ZKSCAN7: variants seen among roughly 807,000 people sequenced by gnomAD.
ZKSCAN7 encodes zinc finger with KRAB and SCAN domains 7, also known as zinc finger protein with KRAB and SCAN domains 7.
A neutral mutation model predicts 65.3 loss-of-function variants in ZKSCAN7; 38 were observed. That is an observed-to-expected ratio of 0.58 (90% CI 0.45 to 0.76). The LOEUF is 0.76. Among genes scored for constraint, ZKSCAN7 ranks in the 30% least tolerant of loss-of-function variants. The pLI is 0.00. For synonymous variants in ZKSCAN7, 321 were observed against 321.0 expected (o/e 1.00, Z 0.00); for missense variants, 815 against 913.3 (o/e 0.89, Z 1.39).
At chr3:44,575,837 C>T (rs1373522747), downstream of ZKSCAN7, among the ~76,000 whole-genome samples, 1 of 152,170 alleles carries the variant, frequency 6.6e-6, no homozygotes, top group African/African-American at 2.4e-5. Context: ...CTCGGCCTCC[C>T]AAAGTGCTGG....
At chr3:44,583,081 C>T in exon 6 of ZKSCAN7, 1 of 355,834 alleles carries the variant, frequency 2.8e-6, no homozygotes, top group Non-Finnish European at 5.6e-6. Flanking sequence ...CGCCTGCCAC[C>T]ATGCCCAGCT....
At chr3:44,566,008 C>A (rs957005067) in intron 3 of ZKSCAN7, among the ~76,000 whole-genome samples, 1 of 152,146 alleles carries the variant, frequency 6.6e-6, no homozygotes, top group African/African-American at 2.4e-5. Context: ...TATCCTCAAG[C>A]ATTTGATCCT....
chr3:44,565,592 C>G lies in ZKSCAN7; in HGVS notation c.529C>G (p.Pro177Ala). 1 of 1,612,670 alleles carries G rather than the reference C, an allele frequency of 6.2e-7. No homozygotes were observed. The highest frequency in any genetic ancestry group is 2.2e-5 in the East Asian group (1 of 44,824). The change falls in exon 3 of 6, where the codon CCT becomes GCT. Residue 177 changes from proline to alanine, a missense_variant. This residue lies in a region of ZKSCAN7 where 227 missense variants were observed against 253.3 expected (regional missense o/e 0.90). Coordinates refer to ENST00000426540, the MANE Select transcript of ZKSCAN7 (RefSeq NM_001288590.2). Reference protein sequence around the residue: ...PTSPLSGGSAPGAHLEPPYDP... With the variant: ...PTSPLSGGSAAGAHLEPPYDP... ...CTCACCCCTCAGTGGGGGCTCAGCC[C>G]CTGGAGCCCACCTGGAGCCTCCTTA...
At chr3:44,564,740 T>C (rs896105163) in intron 2 of ZKSCAN7, among the ~76,000 whole-genome samples, 5 of 152,200 alleles carry the variant, frequency 3.3e-5, no homozygotes, top group African/African-American at 1.2e-4. Context: ...ACAAATCTTA[T>C]CTTTTTTTAC....
chr3:44,573,016 T>G (rs1699852040), downstream of ZKSCAN7, among the ~76,000 whole-genome samples: 1 of 152,144 alleles, frequency 6.6e-6, no homozygotes, highest in South Asian at 2.1e-4. Flanking sequence ...CAGGAATCTG[T>G]TTTCCTTATC....
At chr3:44,572,928 T>C (rs1458382381), downstream of ZKSCAN7, among the ~76,000 whole-genome samples, 4 of 151,802 alleles carry the variant, frequency 2.6e-5, no homozygotes, top group Admixed American at 2.6e-4. Flanking sequence ...TGGTACAGAT[T>C]ATTGAAAATC....
intron 5 of ZKSCAN7, 92 bp downstream of exon 5, chr3:44,568,525 A>T: frequency 6.5e-7 from 1 of 1,527,180 alleles, no homozygotes; most frequent in Non-Finnish European, 8.8e-7. Flanking sequence ...TACCATGAAA[A>T]TTTCCAAACA....
intron 5 of ZKSCAN7, among the ~76,000 whole-genome samples, chr3:44,578,998 G>C (rs190295018): frequency 1.3e-5 from 2 of 152,330 alleles, no homozygotes; most frequent in African/African-American, 4.8e-5. Context: ...GCTCCTTCTT[G>C]AGCAGAGAGG....
In ZKSCAN7 at chr3:44,569,929, G is replaced by C. The variant is rs377653201; in HGVS notation, c.819G>C (p.Glu273Asp). The change falls in exon 6 of 6, where the codon GAG becomes GAC. Residue 273 changes from glutamate to aspartate, a missense_variant. Glu to Asp is a conservative substitution (Grantham distance 45). Transcript: ENST00000426540. ...NHHSMASLAG[E>D]NMMKGSELTP... ...TCTTCTTTCTTTGGGCAGCAGGTGAGAACATGATGAAGGGTTCAGAGTTGA... is the reference window on the plus strand; with the variant it reads ...TCTTCTTTCTTTGGGCAGCAGGTGACAACATGATGAAGGGTTCAGAGTTGA... 23 of 1,529,610 alleles carry C rather than the reference G, an allele frequency of 1.5e-5. No homozygotes were observed. Among genetic ancestry groups the C allele is most frequent in the African/African-American group, 2.8e-5 (2 of 71,770 alleles). 94.8% of individuals were successfully genotyped at this position (1,529,610 alleles called of 1,614,324 possible).
downstream of ZKSCAN7, among the ~76,000 whole-genome samples, chr3:44,573,481 A>G (rs1699863288): frequency 6.6e-6 from 1 of 152,248 alleles, no homozygotes; most frequent in Non-Finnish European, 1.5e-5. Flanking sequence ...AAGTTTAGAA[A>G]GAATAATAGG....
At chr3:44,582,156 TGGTGCTAGTACTTGATCCA>T (rs1700100316) in intron 5 of ZKSCAN7, among the ~76,000 whole-genome samples, 1 of 152,206 alleles carries the variant, frequency 6.6e-6, no homozygotes, top group Non-Finnish European at 1.5e-5. Context: ...AAGCACCTAG[TGGTGCTAGTACTTGATCCA>T]GGATAGGACA....
intron 5 of ZKSCAN7, chr3:44,581,109 C>T: frequency 1.0e-6 from 1 of 999,224 alleles, no homozygotes; most frequent in South Asian, 4.5e-5. Flanking sequence ...GCCGCCGCCG[C>T]ATCCCTCGCC....
chr3:44,563,775 C>T (rs1699553098), intron 2 of ZKSCAN7, among the ~76,000 whole-genome samples: 1 of 151,998 alleles, frequency 6.6e-6, no homozygotes, highest in Non-Finnish European at 1.5e-5. Context: ...GGAACTTTAC[C>T]AGGATTAAAT....
Position 44,580,119 on chromosome 3 carries a change from T to G in ZKSCAN7, c.812-2853T>G, listed in dbSNP as rs551000638. ...CTTCTCAATGTCCAAGGCCTCAAAC[T>G]TTTCAATCACCTGGGACCTCCTGTG... On this transcript the variant is annotated intron_variant, in intron 5 of 5. Coordinates refer to the ZKSCAN7 transcript ENST00000341840. The G allele has an allele frequency of 3.3e-5, 53 of 1,610,608 alleles. No individual in the cohort carries two copies. In the African/African-American group the frequency reaches 6.3e-4, roughly 19 times the overall value.
Position 44,556,957 on chromosome 3 carries a change from A to G in ZKSCAN7, c.-91A>G, listed in dbSNP as rs1699311304. 3 of 1,560,472 alleles carry G rather than the reference A, an allele frequency of 1.9e-6. No individual in the cohort carries two copies. The Admixed American group carries it at 5.5e-5, about 29-fold the overall frequency. On this transcript the variant is annotated 5_prime_UTR_variant, in exon 2 of 6. Transcript: ENST00000426540. ...CACACTACCATCACCCCTTTCTCCA[A>G]CCCTGAAAAACAGTTCCTGAGACCT...
At chr3:44,566,278 G>GT (rs1699628665) in intron 3 of ZKSCAN7, among the ~76,000 whole-genome samples, 1 of 152,180 alleles carries the variant, frequency 6.6e-6, no homozygotes, top group Admixed American at 6.5e-5. Context: ...CCTGGGCCTT[G>GT]TTTGTACAGG....
In ZKSCAN7 at chr3:44,571,518, G is replaced by A. The variant is rs1344314737; in HGVS notation, c.*143G>A. On this transcript the variant is annotated 3_prime_UTR_variant, in exon 6 of 6. Coordinates refer to ENST00000426540, the MANE Select transcript of ZKSCAN7 (RefSeq NM_001288590.2). ...TTCCTTGGATCACTAAGGTGGGAGA[G>A]TAGGAGTAACTTATTCCAGTTCTTA... The A allele has an allele frequency of 3.2e-6, 5 of 1,568,504 alleles. No homozygotes were observed. Among genetic ancestry groups the A allele is most frequent in the South Asian group, 1.1e-5 (1 of 87,392 alleles).
At position 44,570,742 on chromosome 3, in the gene ZKSCAN7, C is replaced by A; in HGVS notation, c.1632C>A (p.Ile544=). 1 of 1,614,134 alleles carries A rather than the reference C, an allele frequency of 6.2e-7. No homozygotes were observed. Among genetic ancestry groups the A allele is most frequent in the East Asian group, 2.2e-5 (1 of 44,880 alleles). The change falls in exon 6 of 6, where the codon ATC becomes ATA. Residue 544 remains isoleucine (I), a synonymous_variant. Coordinates refer to ENST00000426540, the MANE Select transcript of ZKSCAN7 (RefSeq NM_001288590.2). ...GAAATCTCATTGACCATCAGAGAAT[C>A]CACACTGGGGAGAAGCCTTATGAGT... The part of the protein sequence containing the change: ...SNRNLIDHQR[I]HTGEKPYECS...
intron 5 of ZKSCAN7, 115 bp from the exon 6 acceptor site, chr3:44,569,807 A>G (rs1699740172): frequency 7.1e-7 from 1 of 1,410,064 alleles, no homozygotes; most frequent in Non-Finnish European, 9.3e-7. Context: ...TCAATGTGTC[A>G]TCTCATTTCT....
Sources: allele counts gnomAD v4.1 joint callset (sites outside exome capture counted in the v4.1 genomes callset), GRCh38; gene constraint gnomAD v4.1.1; regional missense constraint gnomAD v4.1.1; transcripts MANE v1.5; gene names NCBI Gene and HGNC (gene_info 2026-07-23, HGNC 2026-07-21).